The following CTNNBIP1 variants were observed in gnomAD, a reference collection of about 807,000 sequenced individuals.
CTNNBIP1 encodes catenin beta interacting protein 1.
Under a neutral mutation model 11.8 loss-of-function variants are expected in CTNNBIP1, and 7 were observed. The observed-to-expected ratio is 0.60, with a 90% confidence interval of 0.34 to 1.12. CTNNBIP1 has a LOEUF of 1.12. Ranked by LOEUF, CTNNBIP1 falls within the 50% of genes most tolerant of loss-of-function variation. The pLI, the probability that CTNNBIP1 is intolerant of heterozygous loss-of-function variation, is 0.03. For synonymous variants in CTNNBIP1, 58 were observed against 43.9 expected, an observed-to-expected ratio of 1.32 and a Z score of -1.26; for missense variants, 101 against 113.4, an observed-to-expected ratio of 0.89 and a Z score of 0.50.
chr1:9,900,810 G>A (rs1027365195), intron 1 of CTNNBIP1, among the ~76,000 whole-genome samples: 1 of 152,180 alleles, frequency 6.6e-6, no homozygotes, highest in South Asian at 2.1e-4. Context: ...CAACTCCAGC[G>A]ATCGGCCAGA....
chr1:9,884,996 G>A (rs1639156143), intron 1 of CTNNBIP1, among the ~76,000 whole-genome samples: 1 of 152,204 alleles, frequency 6.6e-6, no homozygotes, highest in South Asian at 2.1e-4. Context: ...GCTGGGAGCA[G>A]AGGAATGGCT....
chr1:9,882,314 CAT>C (rs928526833), intron 2 of CTNNBIP1, among the ~76,000 whole-genome samples: 2 of 152,228 alleles, frequency 1.3e-5, no homozygotes, highest in African/African-American at 4.8e-5. Flanking sequence ...CCACGGCTCA[CAT>C]GTGATGAGAG....
At chr1:9,880,941 G>C (rs1311309838) in intron 2 of CTNNBIP1, among the ~76,000 whole-genome samples, 6 of 152,222 alleles carry the variant, frequency 3.9e-5, no homozygotes. Context: ...GACTAGGGCT[G>C]GCTTCCTGGG....
chr1:9,898,975 A>G (rs1289098210), intron 1 of CTNNBIP1, among the ~76,000 whole-genome samples: 2 of 151,846 alleles, frequency 1.3e-5, no homozygotes, highest in Non-Finnish European at 2.9e-5. Flanking sequence ...ATTTTTTGGT[A>G]TTTAAAAAAA....
At chr1:9,893,739 A>C (rs1479818141) in intron 1 of CTNNBIP1, among the ~76,000 whole-genome samples, 2 of 152,336 alleles carry the variant, frequency 1.3e-5, no homozygotes, top group East Asian at 1.9e-4. Context: ...ATTTCCTTGG[A>C]GCACATAATG....
chr1:9,893,182 C>G (rs1039500106), intron 1 of CTNNBIP1: 26 of 152,138 alleles, frequency 1.7e-4, no homozygotes, highest in Admixed American at 1.7e-3. Context: ...CCCACAAACC[C>G]TGGAGGGTTT....
intron 5 of CTNNBIP1, among the ~76,000 whole-genome samples, chr1:9,864,813 AGGT>A (rs1256049689): frequency 6.6e-6 from 1 of 152,232 alleles, no homozygotes; most frequent in Non-Finnish European, 1.5e-5. Context: ...AGGCACCTAT[AGGT>A]GGAGGGCCCA....
chr1:9,873,208 T>C (rs1638900801), intron 3 of CTNNBIP1, among the ~76,000 whole-genome samples: 1 of 152,142 alleles, frequency 6.6e-6, no homozygotes, highest in Admixed American at 6.5e-5. Context: ...AATAAGCTAA[T>C]AGCAGCTGCA....
chr1:9,909,692 G>A (rs980967445), intron 1 of CTNNBIP1, among the ~76,000 whole-genome samples: 2 of 152,188 alleles, frequency 1.3e-5, no homozygotes, highest in African/African-American at 2.4e-5. Flanking sequence ...AAACTACAGA[G>A]GGAGGAAGGG....
intron 5 of CTNNBIP1, 28 bp from the exon 6 acceptor site, chr1:9,850,804 A>G (rs1347863596): frequency 1.9e-6 from 3 of 1,611,100 alleles, no homozygotes; most frequent in Middle Eastern, 1.6e-4. Flanking sequence ...AGGATCGCTG[A>G]TGGGGCTTGC....
At chr1:9,899,821 C>T (rs909441187) in intron 1 of CTNNBIP1, among the ~76,000 whole-genome samples, 2 of 152,030 alleles carry the variant, frequency 1.3e-5, no homozygotes, top group African/African-American at 2.4e-5. Flanking sequence ...CGCCTGTAAT[C>T]CCAGAACTTT....
chr1:9,875,125 G>A (rs1379431072), intron 3 of CTNNBIP1, among the ~76,000 whole-genome samples: 3 of 152,120 alleles, frequency 2.0e-5, no homozygotes, highest in Admixed American at 6.5e-5. Context: ...CAGACCACCC[G>A]GTTCGAGCCG....
intron 5 of CTNNBIP1, among the ~76,000 whole-genome samples, chr1:9,864,454 G>C (rs1426665870): frequency 6.6e-6 from 1 of 152,216 alleles, no homozygotes; most frequent in Non-Finnish European, 1.5e-5. Flanking sequence ...TCAGCCTCCT[G>C]AGTAGCCAGG....
At chr1:9,896,756 C>T (rs973796678) in intron 1 of CTNNBIP1, among the ~76,000 whole-genome samples, 9 of 152,200 alleles carry the variant, frequency 5.9e-5, no homozygotes, top group Admixed American at 1.3e-4. Flanking sequence ...ATCATGAGGT[C>T]AGGAGTTCGA....
intron 1 of CTNNBIP1, among the ~76,000 whole-genome samples, chr1:9,902,397 C>T (rs1639538938): frequency 6.6e-6 from 1 of 152,190 alleles, no homozygotes; most frequent in Admixed American, 6.5e-5. Flanking sequence ...CTGACTGAAA[C>T]TCAAGTTAAC....
intron 2 of CTNNBIP1, among the ~76,000 whole-genome samples, chr1:9,880,833 C>T (rs768396935): frequency 8.5e-5 from 13 of 152,132 alleles, no homozygotes; most frequent in Non-Finnish European, 1.3e-4. Flanking sequence ...GGTTGTGCAC[C>T]GTGAGGCCAG....
rs561816934 is a variant in CTNNBIP1, at chr1:9,849,072, C to G, written c.*1646G>C. The G allele has an allele frequency of 6.6e-6, 1 of 152,388 alleles. No individual in the cohort carries two copies. The highest frequency in any genetic ancestry group is 1.9e-4 in the East Asian group (1 of 5,172). The allele number at this position is 152,388 out of a possible 1,614,324, so 9.4% of individuals were successfully genotyped here. A position where few individuals can be genotyped will look rare whatever the true frequency, so the allele number is the denominator to read the frequency against. On this transcript the variant is annotated 3_prime_UTR_variant, in exon 6 of 6. Coordinates refer to ENST00000377263, the MANE Select transcript of CTNNBIP1 (RefSeq NM_020248.3). Reference sequence around the variant, plus strand: ...CAGCATAGGGGAGGGTGGCGGCCCCCTTCCTGAGGACTGCATCTTTCTCCA... The same window carrying G: ...CAGCATAGGGGAGGGTGGCGGCCCCGTTCCTGAGGACTGCATCTTTCTCCA...
intron 1 of CTNNBIP1, among the ~76,000 whole-genome samples, chr1:9,901,480 G>A (rs61785598): frequency 0.069 from 10,520 of 152,262 alleles, 1,234 homozygotes; most frequent in African/African-American, 0.24. Context: ...GACTTCAGGG[G>A]TGGTAACTTC....
intron 5 of CTNNBIP1, among the ~76,000 whole-genome samples, chr1:9,860,924 C>T (rs1010444817): frequency 2.0e-5 from 3 of 152,166 alleles, no homozygotes; most frequent in Non-Finnish European, 2.9e-5. Context: ...ATGGCTGATG[C>T]GGGGAGCTCC....
Sources: allele counts gnomAD v4.1 joint callset (sites outside exome capture counted in the v4.1 genomes callset), GRCh38; gene constraint gnomAD v4.1.1; transcripts MANE v1.5; gene names NCBI Gene and HGNC (gene_info 2026-07-23, HGNC 2026-07-21).